The following JAKMIP2 variants were observed in gnomAD, a reference collection of about 807,000 sequenced individuals.
JAKMIP2 encodes janus kinase and microtubule interacting protein 2, also known as janus kinase and microtubule-interacting protein 2.
In JAKMIP2, 25 loss-of-function variants were observed where a neutral mutation model predicts 115.0. That is an observed-to-expected ratio of 0.22 (90% CI 0.16 to 0.30). JAKMIP2 has a LOEUF of 0.30. Ranked by LOEUF, JAKMIP2 falls within the 10% of genes least tolerant of loss-of-function variation. The pLI, the probability that JAKMIP2 is intolerant of heterozygous loss-of-function variation, is 1.00. For synonymous variants in JAKMIP2, 334 were observed against 343.6 expected (o/e 0.97, Z 0.31); for missense variants, 642 against 957.6 (o/e 0.67, Z 4.35).
intron 1 of JAKMIP2, among the ~76,000 whole-genome samples, chr5:147,747,327 T>TA (rs1188216697): frequency 5.9e-5 from 9 of 152,108 alleles, no homozygotes; most frequent in African/African-American, 1.9e-4. Context: ...GAAAAATGCT[T>TA]AAAACGTCAC....
chr5:147,664,082 T>C (rs1211838952), intron 2 of JAKMIP2, among the ~76,000 whole-genome samples: 1 of 152,256 alleles, frequency 6.6e-6, no homozygotes, highest in African/African-American at 2.4e-5. Flanking sequence ...TAAACGATAT[T>C]ATTACAACTG....
chr5:147,594,078 A>G (rs1472937696), intron 21 of JAKMIP2, among the ~76,000 whole-genome samples: 2 of 152,194 alleles, frequency 1.3e-5, no homozygotes, highest in Non-Finnish European at 2.9e-5. Flanking sequence ...TTTAAAAACC[A>G]ATGGACTTAC....
At chr5:147,649,440 G>T (rs1228043303) in intron 4 of JAKMIP2, among the ~76,000 whole-genome samples, 1 of 152,050 alleles carries the variant, frequency 6.6e-6, no homozygotes, top group East Asian at 1.9e-4. Context: ...TTTTACACAT[G>T]AGGAAACTGA....
At chr5:147,624,926 G>T (rs753434433) in intron 16 of JAKMIP2, among the ~76,000 whole-genome samples, 2 of 152,116 alleles carry the variant, frequency 1.3e-5, no homozygotes, top group Admixed American at 6.5e-5. Flanking sequence ...AGTATCCATT[G>T]TGTATTGGAT....
At chr5:147,634,498 T>C (rs77210424) in intron 12 of JAKMIP2, among the ~76,000 whole-genome samples, 1 of 152,310 alleles carries the variant, frequency 6.6e-6, no homozygotes, top group East Asian at 1.9e-4. Context: ...CTTAACATTA[T>C]AAAGGAGATT....
chr5:147,613,065 T>A (rs1333122207), intron 19 of JAKMIP2, among the ~76,000 whole-genome samples: 16 of 152,102 alleles, frequency 1.1e-4, no homozygotes, highest in Admixed American at 1.0e-3. Flanking sequence ...ACACAAGTAA[T>A]CCTAAAGATG....
intron 1 of JAKMIP2, among the ~76,000 whole-genome samples, chr5:147,713,409 G>A (rs1752855422): frequency 6.6e-6 from 1 of 151,914 alleles, no homozygotes; most frequent in South Asian, 2.1e-4. Flanking sequence ...CTATACTTGG[G>A]GCTTTAAATG....
intron 3 of JAKMIP2, among the ~76,000 whole-genome samples, chr5:147,654,212 T>A (rs578016274): frequency 6.8e-6 from 1 of 147,604 alleles, no homozygotes; most frequent in East Asian, 2.0e-4. Flanking sequence ...TGGTTCCATA[T>A]GAAATTTAAA....
At chr5:147,741,001 C>T (rs1183756163) in intron 1 of JAKMIP2, among the ~76,000 whole-genome samples, 1 of 151,504 alleles carries the variant, frequency 6.6e-6, no homozygotes, top group Admixed American at 6.6e-5. Flanking sequence ...ACCACTATCG[C>T]CTCATATCAT....
intron 1 of JAKMIP2, among the ~76,000 whole-genome samples, chr5:147,771,148 T>C (rs1456391823): frequency 6.6e-6 from 1 of 152,170 alleles, no homozygotes. Context: ...ATCACAATCA[T>C]GTTTTCATTA....
At chr5:147,751,847 T>G (rs1421899625) in intron 1 of JAKMIP2, among the ~76,000 whole-genome samples, 4 of 152,118 alleles carry the variant, frequency 2.6e-5, no homozygotes, top group Non-Finnish European at 5.9e-5. Context: ...CAGGCTTAAG[T>G]GGTGCTGTGG....
intron 1 of JAKMIP2, among the ~76,000 whole-genome samples, chr5:147,699,797 TC>T (rs1267785310): frequency 2.6e-5 from 4 of 152,202 alleles, no homozygotes; most frequent in African/African-American, 4.8e-5. Context: ...AGTAGGACTT[TC>T]TTTGTATGAA....
intron 21 of JAKMIP2, among the ~76,000 whole-genome samples, chr5:147,596,614 A>G (rs1281729776): frequency 6.6e-6 from 1 of 152,296 alleles, no homozygotes; most frequent in South Asian, 2.1e-4. Flanking sequence ...TCATCTGTCA[A>G]TCTGAAATTT....
At chr5:147,645,369 G>C (rs1490544205) in intron 5 of JAKMIP2, among the ~76,000 whole-genome samples, 1 of 152,126 alleles carries the variant, frequency 6.6e-6, no homozygotes, top group African/African-American at 2.4e-5. Context: ...CATTAGCTCA[G>C]AGATAAAGGA....
intron 1 of JAKMIP2, among the ~76,000 whole-genome samples, chr5:147,742,229 A>G (rs547067967): frequency 4.0e-5 from 6 of 148,780 alleles, no homozygotes; most frequent in Admixed American, 3.4e-4. Context: ...TATGCTCCTT[A>G]AGATAACGAG....
At chr5:147,733,799 CT>C (rs36078808) in intron 1 of JAKMIP2, among the ~76,000 whole-genome samples, 2 of 152,274 alleles carry the variant, frequency 1.3e-5, no homozygotes, top group African/African-American at 4.8e-5. Flanking sequence ...CAAACTCATC[CT>C]TTTTTATGGC....
chr5:147,610,198 T>C (rs1164086229), intron 20 of JAKMIP2, among the ~76,000 whole-genome samples: 1 of 152,214 alleles, frequency 6.6e-6, no homozygotes, highest in Non-Finnish European at 1.5e-5. Flanking sequence ...GTCAAACTAA[T>C]TCTCCATCCA....
At chr5:147,764,949 A>AGG (rs1755084054) in intron 1 of JAKMIP2, among the ~76,000 whole-genome samples, 2 of 72,648 alleles carry the variant, frequency 2.8e-5, no homozygotes, top group African/African-American at 1.4e-4. Context: ...AGAGAGAGGG[A>AGG]GAGAGAGAGA....
rs1343802404 is a variant in JAKMIP2 at position 147,661,503 on chromosome 5, C to T, written c.130-58G>A. 17 of 1,534,086 alleles carry T rather than the reference C, an allele frequency of 1.1e-5. No individual in the cohort carries two copies. In the East Asian group the frequency reaches 2.7e-4, roughly 24 times the overall value. On this transcript the variant is annotated intron_variant, in intron 2 of 21. Coordinates refer to ENST00000616793, the MANE Select transcript of JAKMIP2 (RefSeq NM_001270941.2). ...ATGAGCCTCAAAGGACGGGTGTGCT[C>T]CTAGGCAGGATTTGCAGCTCAGGCC...
Sources: gnomAD v4.1 joint callset for allele counts (sites outside exome capture counted in the v4.1 genomes callset) on GRCh38, gnomAD v4.1.1 for gene constraint, MANE v1.5 for transcripts, NCBI Gene and HGNC (gene_info 2026-07-23, HGNC 2026-07-21) for gene names.